The following CELF2 variants were observed in gnomAD, a reference collection of about 807,000 sequenced individuals.
CELF2 encodes the protein CUG triplet repeat RNA-binding protein 2.
In CELF2, 8 loss-of-function variants were observed where a neutral mutation model predicts 62.6. The observed-to-expected ratio is 0.13, with a 90% CI of 0.07 to 0.23. CELF2 has a LOEUF of 0.23. Among genes scored for constraint, CELF2 ranks in the 10% least tolerant of loss-of-function variants. The pLI is 1.00. For missense variants in CELF2, 333 were observed against 671.0 expected (o/e 0.50, Z 5.56); for synonymous variants, 258 against 250.0 (o/e 1.03, Z -0.30).
chr10:11,011,866 G>A lies in CELF2; in HGVS notation c.53+6426G>A, dbSNP rs2056521380. ...CCTCTATCCTTGGCTAAAAATGGCT[G>A]GAGATTTGAACCATATTATAGGGAA... On this transcript the variant is annotated intron_variant, in intron 1 of 12. Transcript: ENST00000416382. The surrounding 1 kb of genome is among the most constrained non-coding windows in gnomAD (Gnocchi z 4.6). 6.6e-6 allele frequency among the ~76,000 whole-genome samples: 1 copy of A among 152,218 alleles called. No homozygotes were observed. Among genetic ancestry groups the A allele is most frequent in the Non-Finnish European group, 1.5e-5 (1 of 68,030 alleles).
chr10:10,606,768 G>C, the CELF2 span, among the ~76,000 whole-genome samples: 2 of 152,002 alleles, frequency 1.3e-5, no homozygotes, highest in African/African-American at 4.8e-5. Context: ...AAATTGGATG[G>C]GCCAACTACA....
At chr10:10,896,924 G>A (rs566247431) in intron 1 of CELF2, among the ~76,000 whole-genome samples, 5 of 152,300 alleles carry the variant, frequency 3.3e-5, no homozygotes, top group East Asian at 3.9e-4. Context: ...TCTGTAATTA[G>A]TAATGATGGT....
At chr10:11,175,382 C>CA (rs1014695481) in intron 2 of CELF2, among the ~76,000 whole-genome samples, 7 of 150,970 alleles carry the variant, frequency 4.6e-5, no homozygotes, top group East Asian at 1.9e-4. Context: ...ATTGTGTTCT[C>CA]AAAAAAAAGA....
Position 11,242,145 on chromosome 10 carries a change from T to C in CELF2, c.355-7008T>C, listed in dbSNP as rs1224649689. On this transcript the variant is annotated intron_variant, in intron 3 of 12. Transcript: ENST00000633077. This position sits in a 1 kb window ranked among gnomAD's most constrained non-coding sequence, Gnocchi z 4.8. ...TTATGGGCAGTAAGCTCACAATATG[T>C]GCTAGCACGGCTGCTCTCTCCAGGG... Among the ~76,000 whole-genome samples the C allele has an allele frequency of 1.3e-5, 2 of 152,216 alleles. No homozygotes were observed. Among genetic ancestry groups the C allele is most frequent in the African/African-American group, 4.8e-5 (2 of 41,458 alleles).
At chr10:10,673,660 CAT>C in the CELF2 span, among the ~76,000 whole-genome samples, 2 of 152,160 alleles carry the variant, frequency 1.3e-5, no homozygotes, top group African/African-American at 4.8e-5. Context: ...TATTCTCTAA[CAT>C]ATGCATTCAA....
chr10:10,532,392 T>C, the CELF2 span, among the ~76,000 whole-genome samples: 1 of 152,234 alleles, frequency 6.6e-6, no homozygotes, highest in South Asian at 2.1e-4. Flanking sequence ...TAGAACTCAT[T>C]AATCTTCTTC....
the CELF2 span, among the ~76,000 whole-genome samples, chr10:10,628,990 C>T: frequency 7.9e-5 from 12 of 152,252 alleles, no homozygotes; most frequent in East Asian, 3.9e-4. Context: ...CAGAAAAGGA[C>T]CCACATTGTT....
chr10:10,779,195 AT>A, the CELF2 span, among the ~76,000 whole-genome samples: 1 of 152,172 alleles, frequency 6.6e-6, no homozygotes, highest in Non-Finnish European at 1.5e-5. Context: ...TGACCCTCTT[AT>A]GTAACAGCGT....
At chr10:10,771,028 T>C in the CELF2 span, among the ~76,000 whole-genome samples, 1 of 152,204 alleles carries the variant, frequency 6.6e-6, no homozygotes, top group Non-Finnish European at 1.5e-5. Context: ...AGACAGATCC[T>C]TGGGAAAGAG....
At chr10:11,120,921 G>T (rs183537491) in intron 1 of CELF2, among the ~76,000 whole-genome samples, 7 of 152,310 alleles carry the variant, frequency 4.6e-5, no homozygotes, top group African/African-American at 1.7e-4. Context: ...ATTACTGCAG[G>T]TGCAGCAGCT....
chr10:10,897,645 A>G (rs754454370), intron 1 of CELF2, among the ~76,000 whole-genome samples: 7 of 152,330 alleles, frequency 4.6e-5, no homozygotes, highest in Middle Eastern at 3.4e-3. Flanking sequence ...GAGGCCAGCA[A>G]TAGAGATGGG....
the CELF2 span, among the ~76,000 whole-genome samples, chr10:10,469,421 G>C: frequency 6.6e-6 from 1 of 151,878 alleles, no homozygotes; most frequent in Admixed American, 6.6e-5. Flanking sequence ...TCTCACTGTA[G>C]AGAATGAGGT....
At chr10:11,204,820 GTCT>G (rs2135409177) in intron 2 of CELF2, among the ~76,000 whole-genome samples, 1 of 152,324 alleles carries the variant, frequency 6.6e-6, no homozygotes, top group African/African-American at 2.4e-5. Flanking sequence ...AGGACATCAC[GTCT>G]TCTTGTGAAG....
intron 1 of CELF2, among the ~76,000 whole-genome samples, chr10:11,108,594 G>C (rs190645577): frequency 1.3e-5 from 2 of 152,252 alleles, no homozygotes; most frequent in East Asian, 3.9e-4. Context: ...GTTCTGTTCT[G>C]AGGCTGCAGG....
chr10:11,175,459 C>G (rs1329660890), intron 2 of CELF2, among the ~76,000 whole-genome samples: 3 of 152,174 alleles, frequency 2.0e-5, no homozygotes, highest in Non-Finnish European at 4.4e-5. Flanking sequence ...TAAGTTCTTT[C>G]AATTAATGCT....
chr10:11,215,035 T>C (rs1470420025), intron 2 of CELF2, among the ~76,000 whole-genome samples: 1 of 152,206 alleles, frequency 6.6e-6, no homozygotes, highest in African/African-American at 2.4e-5. Flanking sequence ...ACCCACCTTC[T>C]TTTCACTAAG....
intron 8 of CELF2, among the ~76,000 whole-genome samples, chr10:11,278,302 A>G (rs543747141): frequency 2.6e-5 from 4 of 152,370 alleles, no homozygotes; most frequent in African/African-American, 9.6e-5. Flanking sequence ...TAGAAGCAGA[A>G]AATGGATTAG....
Position 11,330,509 on chromosome 10 carries a change from CAA to C in CELF2, c.*1463_*1464del, listed in dbSNP as rs900495528. The C allele has an allele frequency of 2.0e-5, 3 of 152,138 alleles. No homozygotes were observed. The highest frequency in any genetic ancestry group is 7.3e-5 in the African/African-American group (3 of 41,286). The allele number at this position is 152,138 out of a possible 1,614,324, so 9.4% of individuals were successfully genotyped here. A position where few individuals can be genotyped will look rare whatever the true frequency, so the allele number is the denominator to read the frequency against. ...TGCCTAGCATGTCCCTGTGGCGTCT[CAA>C]AAAAAAGTTTCATCGTCCCGTCATT... On this transcript the variant is annotated 3_prime_UTR_variant, in exon 13 of 13. Transcript: ENST00000633077. The surrounding 1 kb of genome is among the most constrained non-coding windows in gnomAD (Gnocchi z 4.5).
intron 1 of CELF2, among the ~76,000 whole-genome samples, chr10:11,127,125 A>G (rs1431459307): frequency 5.3e-5 from 8 of 152,118 alleles, no homozygotes; most frequent in African/African-American, 1.2e-4. Flanking sequence ...GTTCCCACCT[A>G]TGAGTGAGAA....
Sources: allele counts gnomAD v4.1 joint callset (sites outside exome capture counted in the v4.1 genomes callset), GRCh38; gene constraint gnomAD v4.1.1; non-coding constraint Gnocchi (gnomAD v3.1); transcripts MANE v1.5; gene names NCBI Gene and HGNC (gene_info 2026-07-23, HGNC 2026-07-21).